Variants in FUT9 observed in about 807,000 individuals in gnomAD.
FUT9 encodes fucosyltransferase 9, also known as 4-galactosyl-N-acetylglucosaminide 3-alpha-L-fucosyltransferase 9.
A neutral mutation model predicts 29.7 loss-of-function variants in FUT9; 15 were observed. The observed-to-expected ratio is 0.51, with a 90% CI of 0.34 to 0.78. The LOEUF is 0.78. FUT9 is among the 30% of genes least tolerant of loss of function. The pLI is 0.01. For missense variants in FUT9, 319 were observed against 425.4 expected, an observed-to-expected ratio of 0.75 and a Z score of 2.20; for synonymous variants, 169 against 153.7, an observed-to-expected ratio of 1.10 and a Z score of -0.74.
At chr6:96,083,221 C>T (rs554746936) in intron 1 of FUT9, among the ~76,000 whole-genome samples, 1 of 152,066 alleles carries the variant, frequency 6.6e-6, no homozygotes, top group South Asian at 2.1e-4. Context: ...ACTTAAAAAA[C>T]TTGAATGAAT....
intron 1 of FUT9, among the ~76,000 whole-genome samples, chr6:96,061,054 G>A (rs1770865475): frequency 6.6e-6 from 1 of 151,804 alleles, no homozygotes; most frequent in African/African-American, 2.4e-5. Flanking sequence ...TATATTTAAT[G>A]AGCATTAAAA....
chr6:96,053,043 A>C (rs1770701370), intron 1 of FUT9, among the ~76,000 whole-genome samples: 1 of 152,096 alleles, frequency 6.6e-6, no homozygotes, highest in Admixed American at 6.5e-5. Context: ...ACCAAAAGGA[A>C]AGTAATTTTA....
chr6:96,085,373 C>T (rs149693041), intron 1 of FUT9, among the ~76,000 whole-genome samples: 30 of 152,278 alleles, frequency 2.0e-4, no homozygotes, highest in African/African-American at 7.2e-4. Flanking sequence ...CTAACTGCGT[C>T]CTTGCATGGT....
intron 2 of FUT9, among the ~76,000 whole-genome samples, chr6:96,157,841 A>T (rs917831835): frequency 6.6e-6 from 1 of 151,832 alleles, no homozygotes; most frequent in Non-Finnish European, 1.5e-5. Flanking sequence ...CTTGTCTTCA[A>T]ATCTACTCCT....
At chr6:96,157,971 T>C (rs542829505) in intron 2 of FUT9, among the ~76,000 whole-genome samples, 1 of 152,312 alleles carries the variant, frequency 6.6e-6, no homozygotes, top group African/African-American at 2.4e-5. Context: ...ATAATTTTAC[T>C]TGTAAATATC....
intron 2 of FUT9, among the ~76,000 whole-genome samples, chr6:96,165,110 G>C (rs781653739): frequency 1.2e-4 from 19 of 152,260 alleles, no homozygotes; most frequent in South Asian, 4.2e-4. Flanking sequence ...TAAATGATGA[G>C]AGAAAATTCA....
intron 1 of FUT9, among the ~76,000 whole-genome samples, chr6:96,048,507 G>T (rs1770605860): frequency 6.6e-6 from 1 of 152,198 alleles, no homozygotes; most frequent in Non-Finnish European, 1.5e-5. Context: ...TTGACAAAGA[G>T]AAGCAAGGTT....
chr6:96,082,248 T>C (rs1440149603), intron 1 of FUT9, among the ~76,000 whole-genome samples: 1 of 151,848 alleles, frequency 6.6e-6, no homozygotes, highest in African/African-American at 2.4e-5. Flanking sequence ...AGTGCGGTGA[T>C]ATTTTTCTAT....
chr6:96,053,127 A>G (rs920597764), intron 1 of FUT9, among the ~76,000 whole-genome samples: 4 of 152,156 alleles, frequency 2.6e-5, no homozygotes, highest in Non-Finnish European at 5.9e-5. Context: ...GAAAGATGTC[A>G]AAATAATTCG....
At chr6:96,068,653 T>G (rs1421375551) in intron 1 of FUT9, among the ~76,000 whole-genome samples, 2 of 152,218 alleles carry the variant, frequency 1.3e-5, no homozygotes, top group African/African-American at 4.8e-5. Flanking sequence ...GTGTTAGGTA[T>G]GAACTTCAGA....
At chr6:96,026,635 T>C (rs1318116597) in intron 1 of FUT9, among the ~76,000 whole-genome samples, 2 of 151,644 alleles carry the variant, frequency 1.3e-5, no homozygotes, top group Non-Finnish European at 1.5e-5. Flanking sequence ...GTCCAAATTT[T>C]CCTAAATAAT....
intron 1 of FUT9, among the ~76,000 whole-genome samples, chr6:96,049,998 T>C (rs1489681052): frequency 6.6e-6 from 1 of 152,156 alleles, no homozygotes; most frequent in Non-Finnish European, 1.5e-5. Flanking sequence ...ACCCACTTTG[T>C]AGAAGTGGGT....
chr6:96,068,932 A>G (rs1397839286), intron 1 of FUT9, among the ~76,000 whole-genome samples: 2 of 152,224 alleles, frequency 1.3e-5, no homozygotes, highest in African/African-American at 4.8e-5. Flanking sequence ...GCATGTTAAA[A>G]TCCAAAGACT....
At chr6:96,057,017 T>G (rs7761114) in intron 1 of FUT9, among the ~76,000 whole-genome samples, 82,933 of 151,970 alleles carry the variant, frequency 0.55, 22,746 homozygotes, top group South Asian at 0.63. Flanking sequence ...AGGCATTGTG[T>G]TAGATGATTT....
At chr6:96,044,308 T>C (rs2127934689) in intron 1 of FUT9, among the ~76,000 whole-genome samples, 1 of 152,286 alleles carries the variant, frequency 6.6e-6, no homozygotes, top group South Asian at 2.1e-4. Flanking sequence ...TCATTGAAAT[T>C]TCAGAATTTA....
At chr6:96,057,699 G>C (rs949658720) in intron 1 of FUT9, among the ~76,000 whole-genome samples, 1 of 152,192 alleles carries the variant, frequency 6.6e-6, no homozygotes, top group East Asian at 1.9e-4. Context: ...TGTGAGCACA[G>C]AACGAAGAGC....
chr6:96,118,220 A>G (rs1312769467), intron 2 of FUT9, among the ~76,000 whole-genome samples: 1 of 133,374 alleles, frequency 7.5e-6, no homozygotes, highest in Non-Finnish European at 1.7e-5. Flanking sequence ...AAAAAAAAAA[A>G]AAAGTCCTAC....
intron 2 of FUT9, among the ~76,000 whole-genome samples, chr6:96,129,467 A>T (rs1772202300): frequency 1.3e-5 from 2 of 152,026 alleles, no homozygotes; most frequent in Non-Finnish European, 2.9e-5. Flanking sequence ...AAAAATAAAA[A>T]TAAAAAATAA....
At chr6:96,080,462 C>A (rs1296971648) in intron 1 of FUT9, among the ~76,000 whole-genome samples, 2 of 152,060 alleles carry the variant, frequency 1.3e-5, no homozygotes, top group East Asian at 1.9e-4. Context: ...ACGAAAATGT[C>A]TTTGCCTACT....
Sources: allele counts gnomAD v4.1 joint callset (sites outside exome capture counted in the v4.1 genomes callset), GRCh38; gene constraint gnomAD v4.1.1; transcripts MANE v1.5; gene names NCBI Gene and HGNC (gene_info 2026-07-23, HGNC 2026-07-21).